Variants in ARHGEF1 observed in about 807,000 individuals in gnomAD.
The protein encoded by ARHGEF1 is Rho guanine nucleotide exchange factor 1, also known as 115 kDa guanine nucleotide exchange factor.
In ARHGEF1, 40 loss-of-function variants were observed where a neutral mutation model predicts 119.7. That is an observed-to-expected ratio of 0.33 (90% confidence interval 0.26 to 0.44). The LOEUF is 0.44. ARHGEF1 is among the 20% of genes least tolerant of loss of function. The pLI, the probability that ARHGEF1 is intolerant of heterozygous loss-of-function variation, is 1.00. For synonymous variants in ARHGEF1, 494 were observed against 521.0 expected (o/e 0.95, Z 0.71); for missense variants, 976 against 1,268.3 (o/e 0.77, Z 3.50).
At chr19:41,898,288 A>G in intron 13 of ARHGEF1, 154 bp from the exon 14 acceptor site, 6 of 1,336,360 alleles carry the variant, frequency 4.5e-6, no homozygotes, top group Non-Finnish European at 5.0e-6. Context: ...TGGGAACTCT[A>G]GTGTGGTCCG....
intron 13 of ARHGEF1, chr19:41,897,388 C>G (rs1555848069): frequency 8.6e-7 from 1 of 1,167,926 alleles, no homozygotes; most frequent in Admixed American, 3.1e-5. Context: ...CCCAGCCCCT[C>G]CCCTCTCCCC....
At chr19:41,915,191 G>A (rs2074792792) in intron 18 of ARHGEF1, among the ~76,000 whole-genome samples, 1 of 116,640 alleles carries the variant, frequency 8.6e-6, no homozygotes, top group Non-Finnish European at 1.7e-5. Flanking sequence ...TCTTCCCGAC[G>A]CTTTCAACTC....
rs150244320 is a variant in ARHGEF1, at chr19:41,895,425, G to A, written c.954G>A (p.Gly318=). ...GGGACCGGAATATCGGGGCTCCTGG[G>A]CAGGACACCCCTGGAGTCTCTCTGC... ...PSRDRNIGAP[G]QDTPGVSLHP... is the part of the protein sequence containing the mutation. The change falls in exon 12 of 29, where the codon GGG becomes GGA. Residue 318 remains glycine, a synonymous_variant. Transcript: ENST00000354532. The A allele has an allele frequency of 6.0e-5, 96 of 1,612,712 alleles. No individual in the cohort carries two copies. The Middle Eastern group carries it at 1.3e-3, about 22-fold the overall frequency.
chr19:41,911,274 T>G (rs2074749857), downstream of ARHGEF1, among the ~76,000 whole-genome samples: 1 of 152,142 alleles, frequency 6.6e-6, no homozygotes, highest in Non-Finnish European at 1.5e-5. Context: ...GGGTCCAACT[T>G]CTGTGTTCAC....
Position 41,898,605 on chromosome 19 carries a change from C to T in ARHGEF1, c.1267+18C>T. 6.3e-7 allele frequency: 1 copy of T among 1,580,440 alleles called. No individual in the cohort carries two copies. The highest frequency in any genetic ancestry group is 8.6e-7 in the Non-Finnish European group (1 of 1,164,000). ...CATCAGCGGTGAGTACTGCCCCCAT[C>T]ACCCCACTGTGGCCAAGGACACAGT... On this transcript the variant is annotated intron_variant, in intron 14 of 28. Coordinates refer to ENST00000354532, the MANE Select transcript of ARHGEF1 (RefSeq NM_004706.4).
At position 41,905,537 on chromosome 19, in the gene ARHGEF1, G is replaced by A; in HGVS notation, c.2337-223G>A. 1 of 615,762 alleles carries A rather than the reference G, an allele frequency of 1.6e-6. No individual in the cohort carries two copies. The highest frequency in any genetic ancestry group is 2.9e-6 in the Non-Finnish European group (1 of 349,778). The allele number at this position is 615,762 out of a possible 1,614,324, so 38.1% of individuals were successfully genotyped here. A position where few individuals can be genotyped will look rare whatever the true frequency, so the allele number is the denominator to read the frequency against. On this transcript the variant is annotated intron_variant, in intron 24 of 28. Coordinates refer to ENST00000354532, the MANE Select transcript of ARHGEF1 (RefSeq NM_004706.4). The surrounding 1 kb of genome is among the most constrained non-coding windows in gnomAD (Gnocchi z 6.4). ...TGACAGCATGTGCATGCATGTGTGT[G>A]TGTGTGCGCATGTGCCGACCCCACC...
intron 13 of ARHGEF1, chr19:41,897,868 G>A (rs1270180668): frequency 2.1e-5 from 27 of 1,258,956 alleles, no homozygotes; most frequent in African/African-American, 3.1e-5. Context: ...GTTTCTCTTC[G>A]TCTCTGTTCT....
intron 18 of ARHGEF1, among the ~76,000 whole-genome samples, chr19:41,913,933 AC>A (rs2074770176): frequency 7.0e-6 from 1 of 142,890 alleles, no homozygotes; most frequent in African/African-American, 2.7e-5. Flanking sequence ...CCTCTGGAGC[AC>A]CTTCTTCCTG....
At chr19:41,900,789 T>TTGG (rs1222490411) in intron 14 of ARHGEF1, 1 of 102,332 alleles carries the variant, frequency 9.8e-6, no homozygotes, top group African/African-American at 2.3e-4. Flanking sequence ...CTCACTGGTT[T>TTGG]TTTTTTTTTT....
rs1555848048 is a variant in ARHGEF1 at position 41,897,341 on chromosome 19, C to T, written c.1121+859C>T. 2.4e-6 allele frequency: 3 copies of T among 1,264,312 alleles called. No individual in the cohort carries two copies. In the East Asian group the frequency reaches 1.8e-4, roughly 77 times the overall value. 78.3% of individuals were successfully genotyped at this position (1,264,312 alleles called of 1,614,324 possible). A position where few individuals can be genotyped will look rare whatever the true frequency, so the allele number is the denominator to read the frequency against. ...AGGTGGAAGAGGTGGGTGCCTGGGC[C>T]CTGGGTGGGGGAAGGGCTAGCCCCT... On this transcript the variant is annotated intron_variant, in intron 13 of 28. Transcript: ENST00000354532.
Position 41,894,470 on chromosome 19 carries a change from C to G in ARHGEF1, c.764C>G (p.Ser255Trp), listed in dbSNP as rs370981860. The G allele has an allele frequency of 2.6e-6, 4 of 1,566,020 alleles. No homozygotes were observed. Among genetic ancestry groups the G allele is most frequent in the Non-Finnish European group, 3.5e-6 (4 of 1,153,678 alleles). Residue 255 changes from serine to tryptophan, a missense_variant, in exon 10 of 29, where the codon TCG becomes TGG. This residue lies in a region of ARHGEF1 where 519 missense variants were observed against 580.9 expected (regional missense o/e 0.89). Coordinates refer to ENST00000354532, the MANE Select transcript of ARHGEF1 (RefSeq NM_004706.4). The part of the protein sequence containing the change: ...FRKKVMGNRR[S>W]DEPAKTKKGL... ...TCACAGGTGATGGGGAACCGGCGGT[C>G]GGACGAGCCTGCCAAGACCAAGAAG...
intron 18 of ARHGEF1, among the ~76,000 whole-genome samples, chr19:41,914,660 CTGT>C (rs1555851623): frequency 2.4e-5 from 1 of 41,460 alleles, no homozygotes; most frequent in Non-Finnish European, 4.0e-5. Context: ...TCCACCATCT[CTGT>C]CTCTCCCTCC....
chr19:41,903,813 C>G lies in ARHGEF1; in HGVS notation c.1917+29C>G. ...TGACCATACCCTCCTGCCTCCCCCGCCCCCCTACTCCTTGGCCCAGGGGAT... is the reference window on the plus strand; with the variant it reads ...TGACCATACCCTCCTGCCTCCCCCGGCCCCCTACTCCTTGGCCCAGGGGAT... On this transcript the variant is annotated intron_variant, in intron 20 of 28. Transcript: ENST00000354532. The surrounding 1 kb of genome is among the most constrained non-coding windows in gnomAD (Gnocchi z 4.2). 1 of 1,606,202 alleles carries G rather than the reference C, an allele frequency of 6.2e-7. No homozygotes were observed. The highest frequency in any genetic ancestry group is 8.5e-7 in the Non-Finnish European group (1 of 1,174,518).
intron 18 of ARHGEF1, chr19:41,912,871 G>A (rs2074761946): frequency 2.4e-6 from 3 of 1,230,608 alleles, no homozygotes; most frequent in South Asian, 4.1e-5. Context: ...CAGAGAGCCG[G>A]CAGGGCGGGC....
chr19:41,914,104 T>G (rs953243496), intron 18 of ARHGEF1, among the ~76,000 whole-genome samples: 8 of 149,610 alleles, frequency 5.3e-5, no homozygotes, highest in Non-Finnish European at 1.2e-4. Context: ...ACAAAACTTT[T>G]CAGACACCCC....
intron 18 of ARHGEF1, among the ~76,000 whole-genome samples, chr19:41,914,953 A>ACCGTCT (rs2074790208): frequency 4.0e-5 from 2 of 50,106 alleles, no homozygotes; most frequent in Non-Finnish European, 6.3e-5. Context: ...CTCCTCTTCC[A>ACCGTCT]CTATCTCTGT....
At chr19:41,897,899 T>C in intron 13 of ARHGEF1, 1 of 1,285,582 alleles carries the variant, frequency 7.8e-7, no homozygotes, top group Non-Finnish European at 9.8e-7. Flanking sequence ...TCTCCTTGTC[T>C]CTGTCCCCGG....
chr19:41,909,129 G>C, downstream of ARHGEF1: 2 of 1,231,858 alleles, frequency 1.6e-6, no homozygotes, highest in Non-Finnish European at 2.0e-6. The surrounding 1 kb of genome is among the most constrained non-coding windows in gnomAD (Gnocchi z 5.2). Context: ...AGGGGTGTCC[G>C]GGCCCCTGGC....
chr19:41,894,785 A>G (rs112702674), intron 11 of ARHGEF1, 124 bp downstream of exon 11: 1 of 558,156 alleles, frequency 1.8e-6, no homozygotes, highest in Non-Finnish European at 2.8e-6. Flanking sequence ...GGAGGAGGGG[A>G]TGGGGGCCTG....
Sources: allele counts gnomAD v4.1 joint callset (sites outside exome capture counted in the v4.1 genomes callset), GRCh38; gene constraint gnomAD v4.1.1; regional missense constraint gnomAD v4.1.1; non-coding constraint Gnocchi (gnomAD v3.1); transcripts MANE v1.5; gene names NCBI Gene and HGNC (gene_info 2026-07-23, HGNC 2026-07-21).